The following CSMD1 variants were observed in gnomAD, a reference collection of about 807,000 sequenced individuals.
CSMD1 encodes the protein CUB and sushi domain-containing protein 1.
In CSMD1, 213 loss-of-function variants were observed where a neutral mutation model predicts 417.5. The observed-to-expected ratio is 0.51, with a 90% CI of 0.46 to 0.57. The LOEUF is 0.57. CSMD1 is among the 20% of genes least tolerant of loss of function. The pLI, the probability that CSMD1 is intolerant of heterozygous loss-of-function variation, is 0.00. For synonymous variants in CSMD1, 2,862 were observed against 1,736.8 expected (o/e 1.65, Z -16.11); for missense variants, 6,923 against 4,529.7 (o/e 1.53, Z -15.17).
At chr8:4,970,708 G>A (rs1426011174) in intron 1 of CSMD1, among the ~76,000 whole-genome samples, 1 of 152,146 alleles carries the variant, frequency 6.6e-6, no homozygotes, top group Middle Eastern at 3.4e-3. Flanking sequence ...TCTTAACTCA[G>A]GACGTGGATT....
chr8:3,984,731 A>T (rs367661879), intron 5 of CSMD1, among the ~76,000 whole-genome samples: 9 of 90,116 alleles, frequency 1.0e-4, no homozygotes, highest in Admixed American at 2.0e-4. Flanking sequence ...ATATATATAT[A>T]TATATATATA....
intron 1 of CSMD1, among the ~76,000 whole-genome samples, chr8:4,709,526 G>C (rs941188843): frequency 6.6e-6 from 1 of 152,328 alleles, no homozygotes; most frequent in South Asian, 2.1e-4. Flanking sequence ...GGTACAAAGA[G>C]GGCAGAGACC....
intron 23 of CSMD1, among the ~76,000 whole-genome samples, chr8:3,310,323 TGTTATTGTTGTA>T (rs1258986646): frequency 2.7e-5 from 4 of 146,622 alleles, no homozygotes; most frequent in Non-Finnish European, 4.4e-5. Flanking sequence ...TCTTTACTGT[TGTTATTGTTGTA>T]GTGTTACTGG....
At chr8:3,995,242 G>A (rs533821825) in intron 5 of CSMD1, among the ~76,000 whole-genome samples, 13 of 152,184 alleles carry the variant, frequency 8.5e-5, no homozygotes, top group African/African-American at 3.1e-4. Context: ...TAGTTATTTA[G>A]GAGAACCATC....
intron 3 of CSMD1, among the ~76,000 whole-genome samples, chr8:4,294,257 T>C (rs75192792): frequency 0.018 from 2,784 of 152,310 alleles, 44 homozygotes; most frequent in Non-Finnish European, 0.028. Flanking sequence ...ATAGATCGTG[T>C]GACAAACAAT....
intron 2 of CSMD1, among the ~76,000 whole-genome samples, chr8:4,563,255 G>C (rs886666768): frequency 6.6e-6 from 1 of 152,042 alleles, no homozygotes; most frequent in Non-Finnish European, 1.5e-5. Flanking sequence ...CAAAAAATTA[G>C]CCGGACATGG....
In CSMD1 at chr8:4,203,688, TCACA is replaced by T. The variant is rs925590242; in HGVS notation, c.416-171593_416-171590del. ...TCTCCTGGCCATTTGTAAGTAGGGATCACACACACACAAACATACACACACATAC... is the reference window on the plus strand; with the variant it reads ...TCTCCTGGCCATTTGTAAGTAGGGATCACACACAAACATACACACACATAC... On this transcript the variant is annotated intron_variant, in intron 3 of 69. Transcript: ENST00000635120. Among the ~76,000 whole-genome samples, 4 of 151,900 alleles carry T rather than the reference TCACA, an allele frequency of 2.6e-5. No homozygotes were observed. The South Asian group carries it at 8.3e-4, about 32-fold the overall frequency.
chr8:4,765,796 T>C (rs1812426643), intron 1 of CSMD1, among the ~76,000 whole-genome samples: 1 of 152,146 alleles, frequency 6.6e-6, no homozygotes, highest in Non-Finnish European at 1.5e-5. Context: ...TGGGGGTTGA[T>C]GAAAGGTAGC....
chr8:4,930,496 G>C (rs997596803), intron 1 of CSMD1, among the ~76,000 whole-genome samples: 1 of 152,082 alleles, frequency 6.6e-6, no homozygotes, highest in Non-Finnish European at 1.5e-5. Flanking sequence ...GCTGAAAATT[G>C]TTCAAAACTA....
chr8:3,689,655 G>T (rs1049804464), intron 7 of CSMD1, among the ~76,000 whole-genome samples: 1 of 152,132 alleles, frequency 6.6e-6, no homozygotes, highest in African/African-American at 2.4e-5. Context: ...GGTTCTGAAG[G>T]CCTTACACGA....
At chr8:4,844,452 T>G (rs1477833004) in intron 1 of CSMD1, among the ~76,000 whole-genome samples, 1 of 152,166 alleles carries the variant, frequency 6.6e-6, no homozygotes, top group African/African-American at 2.4e-5. Context: ...TTTTCTTTAC[T>G]CAGCATAATG....
At chr8:4,942,564 T>G (rs1808079652) in intron 1 of CSMD1, among the ~76,000 whole-genome samples, 2 of 152,258 alleles carry the variant, frequency 1.3e-5, no homozygotes, top group African/African-American at 4.8e-5. Flanking sequence ...TCTCACATAT[T>G]TAAAAGTGTG....
At chr8:4,851,334 CCCCCTTTTTAAGCT>C (rs1801468605) in intron 1 of CSMD1, among the ~76,000 whole-genome samples, 1 of 151,944 alleles carries the variant, frequency 6.6e-6, no homozygotes. Context: ...ACTTTTCTCG[CCCCCTTTTTAAGCT>C]CCTTCTTTCA....
At position 4,615,244 on chromosome 8, in the gene CSMD1, C is replaced by A. The variant is rs899133935; in HGVS notation, c.302+22098G>T. Among the ~76,000 whole-genome samples the A allele has an allele frequency of 8.4e-4, 128 of 152,260 alleles. 1 individual carries two copies. Among genetic ancestry groups the A allele is most frequent in the African/African-American group, 3.0e-3 (126 of 41,568 alleles). Reference sequence around the variant, plus strand: ...TGTGTACCCATGTGAACACAACACACCTGCATAGAACGTGGAGAGCTTAAG... The same window carrying A: ...TGTGTACCCATGTGAACACAACACAACTGCATAGAACGTGGAGAGCTTAAG... On this transcript the variant is annotated intron_variant, in intron 2 of 69. Transcript: ENST00000635120.
intron 26 of CSMD1, among the ~76,000 whole-genome samples, chr8:3,242,552 T>C (rs552775028): frequency 1.3e-5 from 2 of 152,250 alleles, no homozygotes; most frequent in South Asian, 2.1e-4. Flanking sequence ...TCTGACTATT[T>C]GGAACCACTG....
intron 3 of CSMD1, among the ~76,000 whole-genome samples, chr8:4,151,312 T>C (rs1301575226): frequency 6.6e-6 from 1 of 152,196 alleles, no homozygotes; most frequent in Admixed American, 6.5e-5. Flanking sequence ...TTATAGATCC[T>C]AAGATCAATG....
intron 9 of CSMD1, among the ~76,000 whole-genome samples, chr8:3,582,114 T>C (rs564015067): frequency 9.2e-5 from 14 of 152,328 alleles, no homozygotes; most frequent in African/African-American, 2.6e-4. Flanking sequence ...TTTCTGATAC[T>C]ATTTTTTGTG....
At chr8:3,723,031 C>CTAACACTCAA (rs1802277715) in intron 6 of CSMD1, among the ~76,000 whole-genome samples, 1 of 152,194 alleles carries the variant, frequency 6.6e-6, no homozygotes, top group African/African-American at 2.4e-5. Context: ...TGAGCTGGGT[C>CTAACACTCAA]TAACACTCAA....
intron 3 of CSMD1, among the ~76,000 whole-genome samples, chr8:4,380,211 A>T (rs1803013398): frequency 1.3e-5 from 2 of 152,168 alleles, no homozygotes; most frequent in African/African-American, 4.8e-5. Context: ...TCCAGACTAC[A>T]GTATGGAAAA....
Sources: gnomAD v4.1 joint callset for allele counts (sites outside exome capture counted in the v4.1 genomes callset) on GRCh38, gnomAD v4.1.1 for gene constraint, MANE v1.5 for transcripts, NCBI Gene and HGNC (gene_info 2026-07-23, HGNC 2026-07-21) for gene names.